The following GRM7 variants were observed in gnomAD, a reference collection of about 807,000 sequenced individuals.
GRM7 encodes metabotropic glutamate receptor 7.
In GRM7, 35 loss-of-function variants were observed where a neutral mutation model predicts 84.5. The observed-to-expected ratio is 0.41, with a 90% CI of 0.32 to 0.55. The LOEUF (loss-of-function observed/expected upper bound fraction) is 0.55. Ranked by LOEUF, GRM7 falls within the 20% of genes least tolerant of loss-of-function variation. The pLI, the probability that GRM7 is intolerant of heterozygous loss-of-function variation, is 0.19. For missense variants in GRM7, 1,003 were observed against 1,194.6 expected (o/e 0.84, Z 2.36); for synonymous variants, 487 against 455.1 (o/e 1.07, Z -0.89).
rs1307050317 is a variant in GRM7, at chr3:7,175,743, G to A, written c.736+29075G>A. ...AGTAGAGACATGGTTTCACCATGTT[G>A]GCCAGGCTGATCTTGAACTCCTGAC... On this transcript the variant is annotated intron_variant, in intron 2 of 9. Transcript: ENST00000357716. Among the ~76,000 whole-genome samples the A allele has an allele frequency of 7.9e-5, 12 of 152,148 alleles. No individual in the cohort carries two copies. The East Asian group carries it at 2.3e-3, about 30-fold the overall frequency.
At chr3:6,902,253 C>A (rs1696414643) in intron 1 of GRM7, among the ~76,000 whole-genome samples, 1 of 152,012 alleles carries the variant, frequency 6.6e-6, no homozygotes, top group Non-Finnish European at 1.5e-5. Flanking sequence ...TGTCTTCTGG[C>A]AAAAAAGCAT....
At chr3:7,064,437 T>C (rs934888496) in intron 1 of GRM7, among the ~76,000 whole-genome samples, 1 of 144,390 alleles carries the variant, frequency 6.9e-6, no homozygotes, top group Non-Finnish European at 1.5e-5. Flanking sequence ...GGCTGAATAG[T>C]ATTCCCTCAT....
intron 2 of GRM7, among the ~76,000 whole-genome samples, chr3:7,204,594 A>G (rs999163256): frequency 5.9e-5 from 9 of 152,218 alleles, no homozygotes; most frequent in African/African-American, 2.2e-4. Flanking sequence ...ATGCATACAT[A>G]CATGGAAACA....
At chr3:7,384,040 T>C (rs1694691152) in intron 4 of GRM7, among the ~76,000 whole-genome samples, 1 of 152,100 alleles carries the variant, frequency 6.6e-6, no homozygotes, top group Admixed American at 6.5e-5. Context: ...TTTATTTCTT[T>C]ATTTAGGAGA....
At chr3:7,530,249 A>G (rs1259725301) in intron 7 of GRM7, among the ~76,000 whole-genome samples, 2 of 152,060 alleles carry the variant, frequency 1.3e-5, no homozygotes, top group Admixed American at 6.6e-5. Flanking sequence ...AGCTTCATCC[A>G]TGTCACTGCA....
intron 1 of GRM7, among the ~76,000 whole-genome samples, chr3:7,119,541 G>A (rs531885374): frequency 2.0e-5 from 3 of 152,048 alleles, no homozygotes; most frequent in South Asian, 2.1e-4. Flanking sequence ...TACATTACTC[G>A]ACACTTTTCA....
At chr3:6,975,583 C>G (rs1225132906) in intron 1 of GRM7, among the ~76,000 whole-genome samples, 1 of 152,146 alleles carries the variant, frequency 6.6e-6, no homozygotes, top group Non-Finnish European at 1.5e-5. Context: ...GAAGTACACA[C>G]CTATGTATTT....
intron 1 of GRM7, among the ~76,000 whole-genome samples, chr3:7,071,497 C>T (rs538299875): frequency 6.6e-6 from 1 of 151,962 alleles, no homozygotes; most frequent in South Asian, 2.1e-4. Flanking sequence ...ATGTTTTCTC[C>T]TCACTGTTGG....
chr3:7,421,553 G>C (rs1471216894), intron 5 of GRM7, among the ~76,000 whole-genome samples: 1 of 152,032 alleles, frequency 6.6e-6, no homozygotes, highest in Non-Finnish European at 1.5e-5. Context: ...TTAAAGCCCA[G>C]GACTTGAAAA....
At chr3:7,098,417 G>A (rs999545070) in intron 1 of GRM7, among the ~76,000 whole-genome samples, 1 of 151,984 alleles carries the variant, frequency 6.6e-6, no homozygotes, top group East Asian at 1.9e-4. Flanking sequence ...GTGACTCATA[G>A]GGTCACTTTG....
intron 1 of GRM7, among the ~76,000 whole-genome samples, chr3:7,081,747 A>T (rs1007814781): frequency 5.3e-5 from 8 of 152,186 alleles, no homozygotes; most frequent in African/African-American, 1.9e-4. Context: ...CTACTACTGC[A>T]GTGAACACAC....
chr3:7,410,144 C>T (rs902168539), intron 4 of GRM7, among the ~76,000 whole-genome samples: 3 of 152,036 alleles, frequency 2.0e-5, no homozygotes, highest in Non-Finnish European at 2.9e-5. Context: ...AGAGCTCAGG[C>T]CTACCTAAAA....
At chr3:7,386,777 A>G (rs1168299823) in intron 4 of GRM7, among the ~76,000 whole-genome samples, 1 of 152,152 alleles carries the variant, frequency 6.6e-6, no homozygotes, top group Admixed American at 6.5e-5. Context: ...TCCTTTGGGC[A>G]TACACCCAGT....
intron 2 of GRM7, among the ~76,000 whole-genome samples, chr3:7,244,213 G>C (rs538251777): frequency 6.6e-6 from 1 of 151,996 alleles, no homozygotes; most frequent in East Asian, 1.9e-4. Context: ...TTAACTTTTT[G>C]ACTTTTGTGT....
At chr3:7,394,764 G>A (rs557515829) in intron 4 of GRM7, among the ~76,000 whole-genome samples, 54 of 152,278 alleles carry the variant, frequency 3.5e-4, no homozygotes, top group Non-Finnish European at 6.6e-4. Flanking sequence ...GGCAGCAGAT[G>A]TGGTGGCTCA....
chr3:7,024,322 G>A (rs935854869), intron 1 of GRM7, among the ~76,000 whole-genome samples: 6 of 152,222 alleles, frequency 3.9e-5, no homozygotes, highest in South Asian at 2.1e-4. Context: ...GCTATGCAAT[G>A]AAGGAAAGGA....
chr3:7,558,045 A>G (rs1693851905), intron 7 of GRM7, among the ~76,000 whole-genome samples: 1 of 141,400 alleles, frequency 7.1e-6, no homozygotes, highest in African/African-American at 2.5e-5. Context: ...GCATTAAAAC[A>G]TGTATAGAAA....
chr3:7,008,783 C>G (rs1028425541), intron 1 of GRM7, among the ~76,000 whole-genome samples: 2 of 152,068 alleles, frequency 1.3e-5, no homozygotes, highest in African/African-American at 4.8e-5. Context: ...TCTTCCTTTC[C>G]TCCTCTTCTT....
At chr3:7,041,868 A>AG (rs1425966834) in intron 1 of GRM7, among the ~76,000 whole-genome samples, 2 of 152,186 alleles carry the variant, frequency 1.3e-5, no homozygotes, top group Non-Finnish European at 2.9e-5. Context: ...GCCTCTAAGG[A>AG]GGGGCAAGGG....
Sources: allele counts gnomAD v4.1 joint callset (sites outside exome capture counted in the v4.1 genomes callset), GRCh38; gene constraint gnomAD v4.1.1; transcripts MANE v1.5; gene names NCBI Gene and HGNC (gene_info 2026-07-23, HGNC 2026-07-21).